UBN1: variants seen among roughly 807,000 people sequenced by gnomAD.
UBN1 encodes ubinuclein 1, also known as ubinuclein-1.
In UBN1, 17 loss-of-function variants were observed where a neutral mutation model predicts 108.5. That is an observed-to-expected ratio of 0.16 (90% CI 0.11 to 0.24). UBN1 has a LOEUF of 0.24. Ranked by LOEUF, UBN1 falls within the 10% of genes least tolerant of loss-of-function variation. The pLI, the probability that UBN1 is intolerant of heterozygous loss-of-function variation, is 1.00. For synonymous variants in UBN1, 726 were observed against 564.2 expected (o/e 1.29, Z -4.07); for missense variants, 1,595 against 1,394.4 (o/e 1.14, Z -2.29).
At chr16:4,860,054 C>A (rs2086987766) in intron 6 of UBN1, 86 bp downstream of exon 6, 7 of 1,555,200 alleles carry the variant, frequency 4.5e-6, no homozygotes, top group African/African-American at 1.4e-5. Flanking sequence ...CTCCCCACAG[C>A]TTCGGAAGAG....
At chr16:4,863,113 T>A (rs890218779) in intron 7 of UBN1, among the ~76,000 whole-genome samples, 3 of 152,356 alleles carry the variant, frequency 2.0e-5, no homozygotes, top group Non-Finnish European at 4.4e-5. Context: ...AAACAATTTC[T>A]AGTTGGATAT....
At chr16:4,855,801 C>T (rs1267165076) in intron 2 of UBN1, among the ~76,000 whole-genome samples, 9 of 152,084 alleles carry the variant, frequency 5.9e-5, no homozygotes, top group Admixed American at 1.3e-4. Flanking sequence ...TGCATGTAAT[C>T]CCAGCTACTC....
At chr16:4,875,763 A>G (rs1379660183) in intron 15 of UBN1, among the ~76,000 whole-genome samples, 1 of 152,176 alleles carries the variant, frequency 6.6e-6, no homozygotes. Flanking sequence ...TTGCCTCTCC[A>G]TCTCTCTAAA....
intron 17 of UBN1, among the ~76,000 whole-genome samples, chr16:4,878,281 C>G (rs761351958): frequency 6.6e-6 from 1 of 152,102 alleles, no homozygotes; most frequent in African/African-American, 2.4e-5. Flanking sequence ...TAGCATTGTT[C>G]CTACTGTAGA....
chr16:4,871,017 C>T (rs1010193995), intron 11 of UBN1, 45 bp downstream of exon 11: 2 of 1,611,232 alleles, frequency 1.2e-6, no homozygotes, highest in Non-Finnish European at 1.7e-6. Flanking sequence ...GTTGGTGGGG[C>T]AGTGTCTGAG....
At position 4,854,314 on chromosome 16, in the gene UBN1, T is replaced by A. The variant is rs541972623; in HGVS notation, c.249+1148T>A. 2.7e-3 allele frequency among the ~76,000 whole-genome samples: 401 copies of A among 150,778 alleles called. 1 individual carries two copies. Among genetic ancestry groups the A allele is most frequent in the African/African-American group, 9.2e-3 (376 of 40,714 alleles). On this transcript the variant is annotated intron_variant, in intron 2 of 17. Coordinates refer to ENST00000262376, the MANE Select transcript of UBN1 (RefSeq NM_001079514.3). ...TCTCAAAGTGCTGGGATTACAGGCATGAGCCACAGCACCTGGCCTCTCTTT... is the reference window on the plus strand; with the variant it reads ...TCTCAAAGTGCTGGGATTACAGGCAAGAGCCACAGCACCTGGCCTCTCTTT...
At chr16:4,860,092 C>T in intron 6 of UBN1, 124 bp downstream of exon 6, 2 of 1,204,492 alleles carry the variant, frequency 1.7e-6, no homozygotes, top group Admixed American at 4.9e-5. Context: ...TCCTGTCCTC[C>T]CGCACGCCTC....
intron 1 of UBN1, chr16:4,852,611 G>A (rs1027761232): frequency 4.7e-6 from 1 of 214,188 alleles, no homozygotes; most frequent in African/African-American, 2.3e-5. Flanking sequence ...GGAGGTCTAA[G>A]GCTCTGTCAG....
intron 1 of UBN1, among the ~76,000 whole-genome samples, chr16:4,849,258 GAC>G (rs1435463713): frequency 6.6e-6 from 1 of 152,144 alleles, no homozygotes; most frequent in Non-Finnish European, 1.5e-5. Flanking sequence ...AGTGCAGTAA[GAC>G]AGGAAACAAA....
Position 4,874,708 on chromosome 16 carries a change from G to A in UBN1, c.2298G>A (p.Gln766=), listed in dbSNP as rs765483698. 13 of 1,614,114 alleles carry A rather than the reference G, an allele frequency of 8.1e-6. 1 individual carries two copies. In the South Asian group the frequency reaches 1.3e-4, roughly 16 times the overall value. Residue 766 remains glutamine, a synonymous_variant, in exon 15 of 18, where the codon CAG becomes CAA. Coordinates refer to ENST00000262376, the MANE Select transcript of UBN1 (RefSeq NM_001079514.3). ...ESSGYKELSC[Q]APLNKGLPEV... ...CTGGCTACAAAGAGCTGTCCTGCCA[G>A]GCTCCCCTCAATAAGGGCCTGCCAG...
Position 4,877,718 on chromosome 16 carries a change from A to G in UBN1, c.3355+244A>G. ...CCTCAGCCTGTGTGATCACAGGGAAAGTTGCGGGGGGCAGGGTGGTGCGCT... is the reference window on the plus strand; with the variant it reads ...CCTCAGCCTGTGTGATCACAGGGAAGGTTGCGGGGGGCAGGGTGGTGCGCT... On this transcript the variant is annotated intron_variant, in intron 17 of 17. Coordinates refer to ENST00000262376, the MANE Select transcript of UBN1 (RefSeq NM_001079514.3). The surrounding 1 kb of genome is among the most constrained non-coding windows in gnomAD (Gnocchi z 4.3). 1 of 1,215,378 alleles carries G rather than the reference A, an allele frequency of 8.2e-7. No individual in the cohort carries two copies. The highest frequency in any genetic ancestry group is 1.0e-6 in the Non-Finnish European group (1 of 977,130). 75.3% of individuals were successfully genotyped at this position (1,215,378 alleles called of 1,614,324 possible).
rs539820093 is a variant in UBN1 at position 4,870,444 on chromosome 16, T to C, written c.1312-72T>C. 5.2e-5 allele frequency: 83 copies of C among 1,610,730 alleles called. No homozygotes were observed. The East Asian group carries it at 1.5e-3, about 29-fold the overall frequency. On this transcript the variant is annotated intron_variant, in intron 9 of 17. Coordinates refer to ENST00000262376, the MANE Select transcript of UBN1 (RefSeq NM_001079514.3). ...CTGCTGCCCCACTGCCTCCTTGTGA[T>C]CACCCCATCATGCGTCCTGAGCGTA...
Position 4,873,054 on chromosome 16 carries a change from C to T in UBN1, c.1781C>T (p.Pro594Leu), listed in dbSNP as rs933077266. Residue 594 changes from proline to leucine, a missense_variant, in exon 14 of 18, where the codon CCT becomes CTT. By Grantham distance (98) the Pro-to-Leu change is moderately conservative (BLOSUM62 -3). Transcript: ENST00000262376. The part of the protein sequence containing the change: ...SILAKKKVMA[P>L]SKIKVKESST... ...AGGGCCAAGAAGAAAGTTATGGCCC[C>T]TTCTAAAATCAAGGTGAAGGTGAGT... 9.3e-6 allele frequency: 15 copies of T among 1,614,102 alleles called. 1 individual carries two copies. In the Admixed American group the frequency reaches 1.8e-4, roughly 20 times the overall value.
intron 1 of UBN1, among the ~76,000 whole-genome samples, chr16:4,850,707 T>A (rs2086518210): frequency 6.6e-6 from 1 of 152,250 alleles, no homozygotes; most frequent in Non-Finnish European, 1.5e-5. Flanking sequence ...CCTTATGTGA[T>A]GTTATAAGTT....
At chr16:4,866,339 T>C (rs2087330940) in intron 7 of UBN1, among the ~76,000 whole-genome samples, 1 of 152,148 alleles carries the variant, frequency 6.6e-6, no homozygotes, top group African/African-American at 2.4e-5. Flanking sequence ...GTTTTGCGCA[T>C]TTTCTTCTGA....
chr16:4,868,183 T>C (rs1051714999), intron 7 of UBN1, among the ~76,000 whole-genome samples: 1 of 152,216 alleles, frequency 6.6e-6, no homozygotes, highest in Non-Finnish European at 1.5e-5. Context: ...CCGTGGTTGC[T>C]TCAGGGGTCT....
At chr16:4,871,881 C>T (rs1045455668) in intron 12 of UBN1, among the ~76,000 whole-genome samples, 18 of 152,184 alleles carry the variant, frequency 1.2e-4, no homozygotes, top group African/African-American at 2.2e-4. Flanking sequence ...CCACCACACC[C>T]GGCCACACTT....
Position 4,880,519 on chromosome 16 carries a change from C to A in UBN1, c.*387C>A. The A allele has an allele frequency of 4.9e-6, 1 of 203,176 alleles. No individual in the cohort carries two copies. The highest frequency in any genetic ancestry group is 1.0e-5 in the Non-Finnish European group (1 of 95,986). The allele number at this position is 203,176 out of a possible 1,614,324, so 12.6% of individuals were successfully genotyped here. A position where few individuals can be genotyped will look rare whatever the true frequency, so the allele number is the denominator to read the frequency against. On this transcript the variant is annotated 3_prime_UTR_variant, in exon 18 of 18. Coordinates refer to ENST00000262376, the MANE Select transcript of UBN1 (RefSeq NM_001079514.3). ...CATTTGGTCAGAGTACCTCAGAGCA[C>A]CCCACTGCTCAGGGGCTCCTTCTGG...
At chr16:4,873,919 T>TAA (rs2087757430) in intron 14 of UBN1, among the ~76,000 whole-genome samples, 1 of 152,186 alleles carries the variant, frequency 6.6e-6, no homozygotes, top group Admixed American at 6.5e-5. Context: ...ACGAGAGTCT[T>TAA]AACGCTTTTC....
Sources: gnomAD v4.1 joint callset for allele counts (sites outside exome capture counted in the v4.1 genomes callset) on GRCh38, gnomAD v4.1.1 for gene constraint, Gnocchi (gnomAD v3.1) non-coding constraint, MANE v1.5 for transcripts, NCBI Gene and HGNC (gene_info 2026-07-23, HGNC 2026-07-21) for gene names.